FEZ1: variants seen among roughly 807,000 people sequenced by gnomAD.
FEZ1 encodes the protein fasciculation and elongation protein zeta-1.
A neutral mutation model predicts 49.3 loss-of-function variants in FEZ1; 20 were observed. The observed-to-expected ratio is 0.41, with a 90% CI of 0.29 to 0.59. The LOEUF (loss-of-function observed/expected upper bound fraction) is 0.59, where lower values mean the gene tolerates loss of function less well. FEZ1 is among the 20% of genes least tolerant of loss of function. The pLI, the probability that FEZ1 is intolerant of heterozygous loss-of-function variation, is 0.36. For synonymous variants in FEZ1, 170 were observed against 180.9 expected (o/e 0.94, Z 0.48); for missense variants, 413 against 476.0 (o/e 0.87, Z 1.23).
intron 3 of FEZ1, among the ~76,000 whole-genome samples, chr11:125,465,496 C>A (rs1957119481): frequency 6.6e-6 from 1 of 152,146 alleles, no homozygotes; most frequent in Non-Finnish European, 1.5e-5. Context: ...CTCTCAGGCG[C>A]AAAGCCTCCA....
At chr11:125,469,388 A>G (rs749913547) in intron 3 of FEZ1, among the ~76,000 whole-genome samples, 3 of 152,206 alleles carry the variant, frequency 2.0e-5, no homozygotes, top group Non-Finnish European at 2.9e-5. Flanking sequence ...CCTCCTGAGT[A>G]GTTGGGACTA....
Position 125,452,468 on chromosome 11 carries a change from A to AG in FEZ1, c.1021-60dup, listed in dbSNP as rs1405388809. The AG allele has an allele frequency of 5.3e-6, 6 of 1,128,240 alleles. No individual in the cohort carries two copies. The African/African-American group carries it at 9.2e-5, about 17-fold the overall frequency. 69.9% of individuals were successfully genotyped at this position (1,128,240 alleles called of 1,614,324 possible). A position where few individuals can be genotyped will look rare whatever the true frequency, so the allele number is the denominator to read the frequency against. On this transcript the variant is annotated intron_variant, in intron 7 of 9. Transcript: ENST00000278919. ...CAGAAGACATGCTTCCTCTGGGTTG[A>AG]GATTTAGCCTTTCTCTAAGACACAC...
In FEZ1 at chr11:125,445,904, A is replaced by G. The variant is rs1001074771; in HGVS notation, c.*191T>C. On this transcript the variant is annotated 3_prime_UTR_variant, in exon 10 of 10. Coordinates refer to ENST00000278919, the MANE Select transcript of FEZ1 (RefSeq NM_005103.5). This position sits in a 1 kb window ranked among gnomAD's most constrained non-coding sequence, Gnocchi z 4.4. ...GAGGCACCATCACCGGCCCTGCCCC[A>G]TCATGCATCCAATGATTACTAGCAC... is the stretch of plus-strand genomic sequence containing the variant. 9 of 660,914 alleles carry G rather than the reference A, an allele frequency of 1.4e-5. No individual in the cohort carries two copies. In the African/African-American group the frequency reaches 1.4e-4, roughly 10 times the overall value. The allele number at this position is 660,914 out of a possible 1,614,324, so 40.9% of individuals were successfully genotyped here.
intron 3 of FEZ1, among the ~76,000 whole-genome samples, chr11:125,478,168 T>A (rs1017690849): frequency 6.6e-6 from 1 of 152,116 alleles, no homozygotes; most frequent in South Asian, 2.1e-4. Flanking sequence ...CTTGGCCAGG[T>A]GTGGCGGCTC....
rs772350848 is a variant in FEZ1 at position 125,455,802 on chromosome 11, G to A, written c.939+33C>T. On this transcript the variant is annotated intron_variant, in intron 6 of 9. Transcript: ENST00000278919. The stretch of plus-strand genomic sequence containing the variant: ...GAAACGGGCAGGGTTGGAGGTTGGA[G>A]GCACCCAGTCTTCCACCTGGTTGTT... 5 of 1,612,650 alleles carry A rather than the reference G, an allele frequency of 3.1e-6. No homozygotes were observed. The South Asian group carries it at 3.3e-5, about 11-fold the overall frequency.
chr11:125,449,132 C>G (rs561618837), intron 8 of FEZ1, among the ~76,000 whole-genome samples: 8 of 152,072 alleles, frequency 5.3e-5, no homozygotes, highest in African/African-American at 1.7e-4. Context: ...CCTCAAACTC[C>G]TGGGTTCAAG....
chr11:125,464,716 G>C (rs1403277029), intron 3 of FEZ1, among the ~76,000 whole-genome samples: 1 of 105,670 alleles, frequency 9.5e-6, no homozygotes, highest in Admixed American at 1.2e-4. Flanking sequence ...CCAGGACTAT[G>C]TCATTAAAAA....
chr11:125,461,344 T>C lies in FEZ1; in HGVS notation c.499-678A>G, dbSNP rs540834520. On this transcript the variant is annotated intron_variant, in intron 4 of 9. Coordinates refer to ENST00000278919, the MANE Select transcript of FEZ1 (RefSeq NM_005103.5). ...ATTACTAGCTGGGCATGGTGTCTCA[T>C]GCCTGTAATCCCAGCACTTTGGGAA... is the stretch of plus-strand genomic sequence containing the variant. Among the ~76,000 whole-genome samples, 5 of 152,328 alleles carry C rather than the reference T, an allele frequency of 3.3e-5. No homozygotes were observed. The South Asian group carries it at 8.3e-4, about 25-fold the overall frequency.
At chr11:125,469,451 G>A (rs1196104987) in intron 3 of FEZ1, among the ~76,000 whole-genome samples, 1 of 152,122 alleles carries the variant, frequency 6.6e-6, no homozygotes, top group Non-Finnish European at 1.5e-5. Context: ...TAGAGATGGG[G>A]AACTTGCCAT....
rs374507581 is a variant in FEZ1 at position 125,481,523 on chromosome 11, C to T, written c.411+11G>A. ...TCAAGCCCTGCTAAACCAGGGGCCC[C>T]GGAGAGGTACCTCAGTGTCAGAGCA... On this transcript the variant is annotated intron_variant, in intron 3 of 9. Coordinates refer to ENST00000278919, the MANE Select transcript of FEZ1 (RefSeq NM_005103.5). The T allele has an allele frequency of 2.0e-4, 314 of 1,567,828 alleles. No individual in the cohort carries two copies. In the South Asian group the frequency reaches 2.3e-3, roughly 11 times the overall value.
Position 125,465,711 on chromosome 11 carries a change from CG to C in FEZ1, c.412-2142del, listed in dbSNP as rs143692928. Among the ~76,000 whole-genome samples, 817 of 152,254 alleles carry C rather than the reference CG, an allele frequency of 5.4e-3. 4 individuals are homozygous for C. The highest frequency in any genetic ancestry group is 0.019 in the African/African-American group (772 of 41,552). On this transcript the variant is annotated intron_variant, in intron 3 of 9. Coordinates refer to ENST00000278919, the MANE Select transcript of FEZ1 (RefSeq NM_005103.5). ...AACCCTGGCTCCTTCCCTCTATGTG[CG>C]GGTTACCCCCTAATCCTTGGGCTTC... is the stretch of plus-strand genomic sequence containing the variant.
intron 5 of FEZ1, 45 bp from the exon 6 acceptor site, chr11:125,456,151 A>G (rs760570217): frequency 6.6e-7 from 1 of 1,525,058 alleles, no homozygotes; most frequent in East Asian, 2.3e-5. Context: ...CATCCACACC[A>G]GAGCCCGCTG....
intron 1 of FEZ1, among the ~76,000 whole-genome samples, chr11:125,494,078 T>C (rs1957433390): frequency 6.6e-6 from 1 of 152,230 alleles, no homozygotes; most frequent in Non-Finnish European, 1.5e-5. Context: ...CAGTCCATAA[T>C]ATAGACTGAT....
At chr11:125,475,302 ACAC>A (rs1957221381) in intron 3 of FEZ1, among the ~76,000 whole-genome samples, 1 of 150,714 alleles carries the variant, frequency 6.6e-6, no homozygotes, top group African/African-American at 2.5e-5. Flanking sequence ...ACACACACAC[ACAC>A]ACACACATTG....
intron 3 of FEZ1, among the ~76,000 whole-genome samples, chr11:125,475,723 CT>C (rs1957225067): frequency 6.6e-6 from 1 of 152,036 alleles, no homozygotes; most frequent in South Asian, 2.1e-4. Context: ...ACATGTACCC[CT>C]GAACTTAAAA....
At chr11:125,481,683 G>A (rs147641422) in intron 2 of FEZ1, 50 bp from the exon 3 acceptor site, 89 of 1,292,260 alleles carry the variant, frequency 6.9e-5, no homozygotes, top group African/African-American at 3.3e-4. Context: ...GCCTGGCCCC[G>A]CCTGGAGGAA....
chr11:125,449,441 A>AAAAAAAAAAAAAAGAAG (rs796507357), intron 8 of FEZ1, among the ~76,000 whole-genome samples: 2 of 128,148 alleles, frequency 1.6e-5, no homozygotes, highest in African/African-American at 5.5e-5. Flanking sequence ...AAAAAAAAAA[A>AAAAAAAAAAAAAAGAAG]AAGAAGAAGA....
At chr11:125,471,864 G>A (rs929367870) in intron 3 of FEZ1, among the ~76,000 whole-genome samples, 69 of 152,000 alleles carry the variant, frequency 4.5e-4, no homozygotes, top group African/African-American at 1.6e-3. Flanking sequence ...CCATATGCTG[G>A]ACCCTAAATC....
chr11:125,469,522 A>G (rs1957164896), intron 3 of FEZ1, among the ~76,000 whole-genome samples: 1 of 152,158 alleles, frequency 6.6e-6, no homozygotes, highest in Non-Finnish European at 1.5e-5. Context: ...GGCCTCCTAA[A>G]GTGTTGAGAT....
Sources: gnomAD v4.1 joint callset for allele counts (sites outside exome capture counted in the v4.1 genomes callset) on GRCh38, gnomAD v4.1.1 for gene constraint, Gnocchi (gnomAD v3.1) non-coding constraint, MANE v1.5 for transcripts, NCBI Gene and HGNC (gene_info 2026-07-23, HGNC 2026-07-21) for gene names.